ARHGAP5: variants seen among roughly 807,000 people sequenced by gnomAD.
The protein encoded by ARHGAP5 is rho GTPase-activating protein 5.
A neutral mutation model predicts 116.6 loss-of-function variants in ARHGAP5; 23 were observed. That is an observed-to-expected ratio of 0.20 (90% CI 0.14 to 0.28). The LOEUF is 0.28. Ranked by LOEUF, ARHGAP5 falls within the 10% of genes least tolerant of loss-of-function variation. The pLI is 1.00. For missense variants in ARHGAP5, 1,405 were observed against 1,774.8 expected, an observed-to-expected ratio of 0.79 and a Z score of 3.74; for synonymous variants, 574 against 602.0, an observed-to-expected ratio of 0.95 and a Z score of 0.68.
intron 4 of ARHGAP5, among the ~76,000 whole-genome samples, chr14:32,146,562 A>G (rs566224041): frequency 6.6e-6 from 1 of 152,284 alleles, no homozygotes; most frequent in African/African-American, 2.4e-5. Flanking sequence ...CAAGGAAGTC[A>G]CTGATTACTT....
chr14:32,082,896 C>G (rs1008255353), intron 1 of ARHGAP5, among the ~76,000 whole-genome samples: 1 of 152,242 alleles, frequency 6.6e-6, no homozygotes, highest in African/African-American at 2.4e-5. Context: ...TAGTATTTGT[C>G]TATCTCTTGG....
chr14:32,087,490 C>CCCTTT (rs1566657762), intron 1 of ARHGAP5, among the ~76,000 whole-genome samples: 6 of 126,102 alleles, frequency 4.8e-5, no homozygotes, highest in Admixed American at 1.6e-4. Context: ...CCCTCCCCCG[C>CCCTTT]TTTTTTTTTT....
At chr14:32,122,766 T>A (rs1290216766) in intron 3 of ARHGAP5, among the ~76,000 whole-genome samples, 1 of 152,240 alleles carries the variant, frequency 6.6e-6, no homozygotes. Flanking sequence ...TTAAAAAGAC[T>A]ATTCTACTGA....
At chr14:32,100,523 G>A (rs138919431) in intron 2 of ARHGAP5, among the ~76,000 whole-genome samples, 5 of 152,168 alleles carry the variant, frequency 3.3e-5, no homozygotes, top group Admixed American at 6.5e-5. Context: ...AAAAAACAGC[G>A]TAGCAACTGT....
intron 1 of ARHGAP5, among the ~76,000 whole-genome samples, chr14:32,084,034 C>T (rs1043415348): frequency 2.0e-5 from 3 of 152,106 alleles, no homozygotes; most frequent in African/African-American, 7.2e-5. Flanking sequence ...CTTCTGTTTC[C>T]CATACAGAAA....
chr14:32,142,303 T>C (rs551722040), intron 3 of ARHGAP5, among the ~76,000 whole-genome samples: 1 of 152,348 alleles, frequency 6.6e-6, no homozygotes, highest in South Asian at 2.1e-4. Flanking sequence ...TTCTTGTTTC[T>C]TTGTATGCCT....
intron 2 of ARHGAP5, among the ~76,000 whole-genome samples, chr14:32,106,222 A>G (rs1406704112): frequency 1.3e-5 from 2 of 152,154 alleles, no homozygotes; most frequent in Non-Finnish European, 1.5e-5. Flanking sequence ...CCCAGGTTCA[A>G]GTAATTCTCT....
intron 3 of ARHGAP5, among the ~76,000 whole-genome samples, chr14:32,129,112 T>C (rs1477487417): frequency 6.6e-6 from 1 of 152,216 alleles, no homozygotes; most frequent in Non-Finnish European, 1.5e-5. Flanking sequence ...TAATCTGCTG[T>C]GAGTCAGGAA....
At chr14:32,112,524 G>T (rs560569212) in intron 2 of ARHGAP5, among the ~76,000 whole-genome samples, 27 of 152,138 alleles carry the variant, frequency 1.8e-4, no homozygotes, top group Admixed American at 5.2e-4. Flanking sequence ...GAAAAAAGAC[G>T]GCATTTGCAT....
In ARHGAP5 at chr14:32,085,796, A is replaced by T. The variant is rs550395215; in HGVS notation, c.-168-4706A>T. On this transcript the variant is annotated intron_variant, in intron 1 of 6. Coordinates refer to ENST00000345122, the MANE Select transcript of ARHGAP5 (RefSeq NM_001030055.2). Reference sequence around the variant, plus strand: ...TACTAAAGTCTTTAAACAGCCAAAAATTTTGAATTAACTATATTTGGGGTT... The same window carrying T: ...TACTAAAGTCTTTAAACAGCCAAAATTTTTGAATTAACTATATTTGGGGTT... 3.3e-5 allele frequency among the ~76,000 whole-genome samples: 5 copies of T among 152,310 alleles called. 1 individual carries two copies. Among genetic ancestry groups the T allele is most frequent in the African/African-American group, 1.2e-4 (5 of 41,574 alleles).
rs151011527 is a variant in ARHGAP5 at position 32,103,314 on chromosome 14, T to G, written c.3717+8928T>G. Among the ~76,000 whole-genome samples, 5 of 152,348 alleles carry G rather than the reference T, an allele frequency of 3.3e-5. No homozygotes were observed. In the East Asian group the frequency reaches 9.6e-4, roughly 29 times the overall value. ...GATTTATTGCTTTTCAAATTCAGAT[T>G]GAAATGTAATTAGATGGTTAATTTT... On this transcript the variant is annotated intron_variant, in intron 2 of 6. Coordinates refer to ENST00000345122, the MANE Select transcript of ARHGAP5 (RefSeq NM_001030055.2).
At chr14:32,146,198 A>G (rs1240861654) in intron 3 of ARHGAP5, 65 bp from the exon 4 acceptor site, 3 of 1,222,528 alleles carry the variant, frequency 2.5e-6, no homozygotes, top group Non-Finnish European at 3.6e-6. Context: ...AACATGAGCC[A>G]CTGTGCCCAG....
intron 1 of ARHGAP5, among the ~76,000 whole-genome samples, chr14:32,088,204 A>G (rs1457306019): frequency 6.6e-6 from 1 of 151,882 alleles, no homozygotes. Context: ...ATGTCTTTGA[A>G]TTACTCTTGG....
At chr14:32,116,188 G>A (rs866791400) in intron 2 of ARHGAP5, among the ~76,000 whole-genome samples, 25 of 151,690 alleles carry the variant, frequency 1.6e-4, no homozygotes, top group Admixed American at 5.3e-4. Context: ...TCCGGAGGCT[G>A]AGGCAGGAGA....
intron 3 of ARHGAP5, among the ~76,000 whole-genome samples, chr14:32,132,284 G>T (rs1265111181): frequency 6.6e-6 from 1 of 152,150 alleles, no homozygotes; most frequent in Non-Finnish European, 1.5e-5. Flanking sequence ...ACTCTAACTG[G>T]TGTGAGATGG....
rs761830998 is a variant in ARHGAP5 at position 32,093,567 on chromosome 14, A to G, written c.2898A>G (p.Leu966=). The G allele has an allele frequency of 9.9e-6, 16 of 1,613,994 alleles. No homozygotes were observed. The highest frequency in any genetic ancestry group is 4.4e-5 in the South Asian group (4 of 91,064). Residue 966 remains leucine (L), a synonymous_variant, in exon 2 of 7, where the codon CTA becomes CTG. Transcript: ENST00000345122. ...ESTHQSEDVF[L]PSPRDCFPYN... ...CCCATCAAAGTGAAGATGTTTTTCT[A>G]CCATCTCCCAGAGACTGTTTTCCCT...
intron 3 of ARHGAP5, among the ~76,000 whole-genome samples, chr14:32,134,886 T>TTTACAAGAATGACTCCCAGATCTTAA (rs1227447724): frequency 4.6e-5 from 7 of 152,220 alleles, no homozygotes; most frequent in Admixed American, 2.6e-4. Context: ...AGCCATCACG[T>TTTACAAGAATGACTCCCAGATCTTAA]TTACAAGAAT....
At position 32,092,769 on chromosome 14, in the gene ARHGAP5, G is replaced by A; in HGVS notation, c.2100G>A (p.Leu700=). 6.2e-7 allele frequency: 1 copy of A among 1,613,892 alleles called. No individual in the cohort carries two copies. Among genetic ancestry groups the A allele is most frequent in the Non-Finnish European group, 8.5e-7 (1 of 1,179,888 alleles). ...YMANLPFTLI[L]ANQRDSISKN... ...CTAATCTTCCATTTACATTAATTCT[G>A]GCTAATCAGAGAGATTCCATTAGTA... The change falls in exon 2 of 7, where the codon CTG becomes CTA. Residue 700 remains leucine, a synonymous_variant. Coordinates refer to ENST00000345122, the MANE Select transcript of ARHGAP5 (RefSeq NM_001030055.2). The surrounding 1 kb of genome is among the most constrained non-coding windows in gnomAD (Gnocchi z 4.1).
rs201489307 is a variant in ARHGAP5, at chr14:32,092,538, T to C, written c.1869T>C (p.Tyr623=). The C allele has an allele frequency of 1.2e-6, 2 of 1,613,606 alleles. No individual in the cohort carries two copies. The highest frequency in any genetic ancestry group is 2.2e-5 in the East Asian group (1 of 44,886). ...EIRTQSTDDE[Y]ALDGKIYELD... ...GGACACAATCCACTGATGATGAGTA[T>C]GCCTTAGATGGAAAAATTTATGAAC... Residue 623 remains tyrosine (Y), a synonymous_variant, in exon 2 of 7, where the codon TAT becomes TAC. Coordinates refer to ENST00000345122, the MANE Select transcript of ARHGAP5 (RefSeq NM_001030055.2). This position sits in a 1 kb window ranked among gnomAD's most constrained non-coding sequence, Gnocchi z 4.1.
Sources: gnomAD v4.1 joint callset for allele counts (sites outside exome capture counted in the v4.1 genomes callset) on GRCh38, gnomAD v4.1.1 for gene constraint, Gnocchi (gnomAD v3.1) non-coding constraint, MANE v1.5 for transcripts, NCBI Gene and HGNC (gene_info 2026-07-23, HGNC 2026-07-21) for gene names.